EML5: variants seen among roughly 807,000 people sequenced by gnomAD.
EML5 encodes echinoderm microtubule-associated protein-like 5.
In EML5, 120 loss-of-function variants were observed where a neutral mutation model predicts 250.0. That is an observed-to-expected ratio of 0.48 (90% CI 0.41 to 0.56). EML5 has a LOEUF of 0.56. EML5 is among the 20% of genes least tolerant of loss of function. The probability of loss-of-function intolerance (pLI) is 0.00; values close to 1 mark genes in which losing one functional copy is unlikely to be tolerated. For missense variants in EML5, 2,006 were observed against 2,437.6 expected, an observed-to-expected ratio of 0.82 and a Z score of 3.73; for synonymous variants, 771 against 806.5, an observed-to-expected ratio of 0.96 and a Z score of 0.75.
chr14:88,691,552 G>A (rs543322045), intron 17 of EML5, among the ~76,000 whole-genome samples: 2 of 152,166 alleles, frequency 1.3e-5, no homozygotes, highest in Non-Finnish European at 2.9e-5. Context: ...AACTTTCAGA[G>A]GCTCCCCATC....
At chr14:88,768,404 G>A (rs374740277) in intron 1 of EML5, among the ~76,000 whole-genome samples, 1 of 149,552 alleles carries the variant, frequency 6.7e-6, no homozygotes, top group Admixed American at 6.7e-5. Context: ...AAATATTTCC[G>A]TAATGTGATT....
At position 88,612,774 on chromosome 14, in the gene EML5, A is replaced by ATTAC. The variant is rs1266228384; in HGVS notation, c.*3040_*3043dup. 2.6e-5 allele frequency: 4 copies of ATTAC among 152,602 alleles called. No homozygotes were observed. The South Asian group carries it at 8.3e-4, about 32-fold the overall frequency. 9.5% of individuals were successfully genotyped at this position (152,602 alleles called of 1,614,324 possible). ...TAGGATGAAACTTTTGGCCTACTGT[A>ATTAC]TTACTTACAGAGTTTTTTTGTGTGT... On this transcript the variant is annotated 3_prime_UTR_variant, in exon 44 of 44. Transcript: ENST00000554922.
At chr14:88,668,446 G>A (rs556090325) in intron 21 of EML5, among the ~76,000 whole-genome samples, 2 of 152,232 alleles carry the variant, frequency 1.3e-5, no homozygotes, top group East Asian at 3.9e-4. Flanking sequence ...AAAAAAAAAG[G>A]GAATGATAAA....
intron 14 of EML5, among the ~76,000 whole-genome samples, chr14:88,701,027 AG>A (rs1254214715): frequency 6.6e-6 from 1 of 152,108 alleles, no homozygotes; most frequent in Non-Finnish European, 1.5e-5. Flanking sequence ...CCCCTCTGCC[AG>A]GTAAACAACT....
In EML5 at chr14:88,726,603, A is replaced by C; in HGVS notation, c.1125T>G (p.Asn375Lys). 1 of 1,593,218 alleles carries C rather than the reference A, an allele frequency of 6.3e-7. No individual in the cohort carries two copies. Among genetic ancestry groups the C allele is most frequent in the South Asian group, 1.1e-5 (1 of 87,454 alleles). Residue 375 changes from asparagine (N) to lysine (K), a missense_variant, in exon 8 of 44, where the codon AAT becomes AAG. Transcript: ENST00000554922. ...CAAGGGCAAGATGGATTCCATCTGCATTGACAGCTGCACAACGAATTGGTT... is the reference window on the plus strand; with the variant it reads ...CAAGGGCAAGATGGATTCCATCTGCCTTGACAGCTGCACAACGAATTGGTT... ...MEEPIRCAAV[N>K]ADGIHLALGM...
At chr14:88,746,148 C>A in intron 3 of EML5, 37 bp downstream of exon 3, 2 of 1,518,946 alleles carry the variant, frequency 1.3e-6, no homozygotes, top group Non-Finnish European at 1.8e-6. Context: ...TCTTTCCCTT[C>A]CAGTACTCAT....
chr14:88,674,664 A>G (rs1314170247), intron 21 of EML5, among the ~76,000 whole-genome samples: 1 of 152,140 alleles, frequency 6.6e-6, no homozygotes, highest in African/African-American at 2.4e-5. Context: ...TCACATTTCA[A>G]ACCCAATCGT....
At chr14:88,669,008 T>C (rs2092385369) in intron 21 of EML5, among the ~76,000 whole-genome samples, 2 of 151,152 alleles carry the variant, frequency 1.3e-5, no homozygotes. Flanking sequence ...GACAAGGTGG[T>C]TGGCATGACC....
chr14:88,720,512 T>G (rs1367402791), intron 8 of EML5, among the ~76,000 whole-genome samples: 1 of 151,696 alleles, frequency 6.6e-6, no homozygotes, highest in Non-Finnish European at 1.5e-5. Flanking sequence ...TCACATAAGA[T>G]CTAAAAACAA....
At chr14:88,677,387 G>A (rs2092619460) in intron 21 of EML5, among the ~76,000 whole-genome samples, 1 of 152,134 alleles carries the variant, frequency 6.6e-6, no homozygotes, top group South Asian at 2.1e-4. Context: ...CAGGACACAG[G>A]TACAGGCAAA....
In EML5 at chr14:88,747,120, A is replaced by C. The variant is rs561040824; in HGVS notation, c.358-837T>G. Among the ~76,000 whole-genome samples the C allele has an allele frequency of 4.1e-5, 6 of 147,666 alleles. No individual in the cohort carries two copies. The South Asian group carries it at 1.3e-3, about 32-fold the overall frequency. Reference sequence around the variant, plus strand: ...ATCAAAATAAGCTAAACAAACAAACAAAAAAAAAAGGGTCAGGTGCGGTGG... The same window carrying C: ...ATCAAAATAAGCTAAACAAACAAACCAAAAAAAAAGGGTCAGGTGCGGTGG... On this transcript the variant is annotated intron_variant, in intron 2 of 43. Transcript: ENST00000554922.
intron 26 of EML5, 27 bp downstream of exon 26, chr14:88,658,160 T>C (rs1446845538): frequency 4.3e-6 from 7 of 1,609,484 alleles, no homozygotes; most frequent in Non-Finnish European, 6.0e-6. Context: ...CCCTATATTT[T>C]TGTTCAAGTA....
Position 88,740,526 on chromosome 14 carries a change from A to C in EML5, c.572T>G (p.Phe191Cys). ...TGTCTGAAGGTCACCCGTCTTACCA[A>C]AGACACCTCGTTTTGGGGTCAGAGC... ...GNALTPKRGV[F>C]GKTGDLQTIL... Residue 191 changes from phenylalanine to cysteine, a missense_variant, in exon 5 of 44, where the codon TTT becomes TGT. Coordinates refer to ENST00000554922, the MANE Select transcript of EML5 (RefSeq NM_183387.3). 1 of 1,613,414 alleles carries C rather than the reference A, an allele frequency of 6.2e-7. No individual in the cohort carries two copies. Among genetic ancestry groups the C allele is most frequent in the Non-Finnish European group, 8.5e-7 (1 of 1,179,672 alleles).
At chr14:88,647,002 G>T in intron 28 of EML5, 47 bp from the exon 29 acceptor site, 3 of 1,570,188 alleles carry the variant, frequency 1.9e-6, no homozygotes, top group South Asian at 2.3e-5. Flanking sequence ...ACATAAATTT[G>T]AATTGAAAAC....
intron 26 of EML5, 109 bp downstream of exon 26, chr14:88,658,075 GTAC>G: frequency 2.0e-6 from 2 of 975,978 alleles, no homozygotes; most frequent in Non-Finnish European, 2.9e-6. Context: ...ACTAAAAACA[GTAC>G]CACTACAATT....
chr14:88,782,569 G>A (rs2094508316), intron 1 of EML5, among the ~76,000 whole-genome samples: 1 of 152,124 alleles, frequency 6.6e-6, no homozygotes, highest in South Asian at 2.1e-4. Flanking sequence ...CCTGTGCCAG[G>A]TCCAAGACAC....
intron 7 of EML5, among the ~76,000 whole-genome samples, chr14:88,733,481 C>T (rs2093792139): frequency 6.6e-6 from 1 of 152,178 alleles, no homozygotes; most frequent in Non-Finnish European, 1.5e-5. Context: ...AAATTGCCCA[C>T]CAATAACAGG....
chr14:88,655,690 A>G (rs1347362594), intron 27 of EML5, among the ~76,000 whole-genome samples: 2 of 152,190 alleles, frequency 1.3e-5, no homozygotes, highest in Admixed American at 1.3e-4. Context: ...TGAATAGGCA[A>G]CCTACAGAAT....
intron 1 of EML5, among the ~76,000 whole-genome samples, chr14:88,762,508 C>T (rs1375963098): frequency 2.0e-5 from 3 of 151,798 alleles, no homozygotes; most frequent in Non-Finnish European, 4.4e-5. Context: ...GAAACTCCAT[C>T]TCGGGGGAAA....
Sources: gnomAD v4.1 joint callset for allele counts (sites outside exome capture counted in the v4.1 genomes callset) on GRCh38, gnomAD v4.1.1 for gene constraint, MANE v1.5 for transcripts, NCBI Gene and HGNC (gene_info 2026-07-23, HGNC 2026-07-21) for gene names.